WDR41: variants seen among roughly 807,000 people sequenced by gnomAD.
WDR41 encodes the protein WD repeat-containing protein 41.
Under a neutral mutation model 69.3 loss-of-function variants are expected in WDR41, and 63 were observed. The observed-to-expected ratio is 0.91, with a 90% confidence interval of 0.74 to 1.12. WDR41 has a LOEUF of 1.12. WDR41 is among the 50% of genes most tolerant of loss of function. WDR41 has a pLI of 0.00. For missense variants in WDR41, 543 were observed against 534.5 expected, an observed-to-expected ratio of 1.02 and a Z score of -0.16; for synonymous variants, 185 against 192.1, an observed-to-expected ratio of 0.96 and a Z score of 0.31.
chr5:77,541,646 C>T (rs1409918276), intron 1 of WDR41, among the ~76,000 whole-genome samples: 1 of 152,098 alleles, frequency 6.6e-6, no homozygotes, highest in Non-Finnish European at 1.5e-5. Flanking sequence ...GCATCCACCA[C>T]CACGCCAGGC....
At chr5:77,492,955 G>T (rs188783829), upstream of WDR41, among the ~76,000 whole-genome samples, 14 of 152,304 alleles carry the variant, frequency 9.2e-5, no homozygotes, top group East Asian at 9.6e-4. Context: ...GTTCTTGACC[G>T]TATGCTATAT....
At chr5:77,465,720 G>T (rs1800275285) in intron 2 of WDR41, among the ~76,000 whole-genome samples, 1 of 107,930 alleles carries the variant, frequency 9.3e-6, no homozygotes, top group African/African-American at 3.9e-5. Context: ...TCAAATTCAG[G>T]CTTTTTTTTT....
upstream of WDR41, among the ~76,000 whole-genome samples, chr5:77,494,321 A>G (rs1462076603): frequency 6.6e-6 from 1 of 152,080 alleles, no homozygotes; most frequent in Non-Finnish European, 1.5e-5. Flanking sequence ...TTTATCAGTA[A>G]TTACTTTAAA....
chr5:77,569,167 C>T (rs1418422887), intron 1 of WDR41, among the ~76,000 whole-genome samples: 3 of 152,130 alleles, frequency 2.0e-5, no homozygotes, highest in Non-Finnish European at 4.4e-5. Flanking sequence ...AATACTGCAA[C>T]ATTTTAATGC....
intron 1 of WDR41, among the ~76,000 whole-genome samples, chr5:77,500,345 G>A (rs1434162167): frequency 2.0e-5 from 3 of 152,078 alleles, no homozygotes; most frequent in Non-Finnish European, 4.4e-5. Flanking sequence ...GGAGAGGACA[G>A]AGGCAAGAGT....
At chr5:77,546,097 CAAGGCCA>C in intron 1 of WDR41, 1 of 527,906 alleles carries the variant, frequency 1.9e-6, no homozygotes, top group Non-Finnish European at 3.3e-6. Context: ...GCAACTTCGG[CAAGGCCA>C]CCTTTGATGC....
At chr5:77,558,542 G>A (rs1743457662) in intron 1 of WDR41, among the ~76,000 whole-genome samples, 1 of 152,100 alleles carries the variant, frequency 6.6e-6, no homozygotes, top group South Asian at 2.1e-4. Context: ...GGCAGGCTGA[G>A]GTCATTTCCA....
chr5:77,436,521 T>C (rs1798941354), intron 11 of WDR41, 127 bp from the exon 12 acceptor site: 1 of 1,094,056 alleles, frequency 9.1e-7, no homozygotes, highest in Non-Finnish European at 1.3e-6. Flanking sequence ...GGACAGTACC[T>C]GAGCACCGTG....
At chr5:77,461,038 T>C (rs1031555486) in intron 4 of WDR41, among the ~76,000 whole-genome samples, 4 of 152,202 alleles carry the variant, frequency 2.6e-5, no homozygotes, top group East Asian at 1.9e-4. Flanking sequence ...GTAAAATTCA[T>C]AGTGACACTG....
At chr5:77,473,166 C>A (rs1276880443) in intron 2 of WDR41, among the ~76,000 whole-genome samples, 3 of 152,178 alleles carry the variant, frequency 2.0e-5, no homozygotes, top group Non-Finnish European at 4.4e-5. Context: ...TGATCTTTGA[C>A]AAACCTGACA....
intron 1 of WDR41, among the ~76,000 whole-genome samples, chr5:77,515,050 A>G (rs1416324004): frequency 1.3e-5 from 2 of 152,162 alleles, no homozygotes; most frequent in African/African-American, 4.8e-5. Context: ...GTTACACTAA[A>G]TTTATTTTAA....
chr5:77,531,801 A>C (rs1802532803), intron 1 of WDR41, among the ~76,000 whole-genome samples: 1 of 152,032 alleles, frequency 6.6e-6, no homozygotes, highest in African/African-American at 2.4e-5. Flanking sequence ...TACATGCAAC[A>C]AGGTGGATGA....
chr5:77,460,785 A>G (rs1413025139), intron 4 of WDR41, among the ~76,000 whole-genome samples: 1 of 152,204 alleles, frequency 6.6e-6, no homozygotes, highest in Non-Finnish European at 1.5e-5. Flanking sequence ...AACCTGTCAC[A>G]TGATGTCAGG....
In WDR41 at chr5:77,503,335, A is replaced by G. The variant is rs374536618; in HGVS notation, c.43-13763T>C. On this transcript the variant is annotated intron_variant, in intron 1 of 5. Transcript: ENST00000509971. ...CAACAAGAAGAGCTAACTATCCTAAATATATATGCACCCAATACAGGAGGA... is the reference window on the plus strand; with the variant it reads ...CAACAAGAAGAGCTAACTATCCTAAGTATATATGCACCCAATACAGGAGGA... 6.6e-5 allele frequency among the ~76,000 whole-genome samples: 10 copies of G among 152,278 alleles called. No homozygotes were observed. In the East Asian group the frequency reaches 1.9e-3, roughly 29 times the overall value.
intron 10 of WDR41, 67 bp downstream of exon 10, chr5:77,438,173 A>G (rs1321202714): frequency 6.3e-7 from 1 of 1,599,292 alleles, no homozygotes; most frequent in African/African-American, 1.3e-5. Context: ...CACTTGAGAA[A>G]TTACACTGGT....
chr5:77,533,846 A>T (rs1485340579), intron 1 of WDR41, among the ~76,000 whole-genome samples: 1 of 152,128 alleles, frequency 6.6e-6, no homozygotes, highest in South Asian at 2.1e-4. Context: ...TGCAGGGGCT[A>T]CTTCTTTATG....
intron 1 of WDR41, among the ~76,000 whole-genome samples, chr5:77,551,674 A>C (rs6453319): frequency 0.6 from 90,039 of 149,844 alleles, 27,149 homozygotes; most frequent in East Asian, 0.78. Context: ...TGAGACTCTG[A>C]CTCAAAAAAT....
chr5:77,469,654 A>C (rs544491042), intron 2 of WDR41, among the ~76,000 whole-genome samples: 1 of 152,334 alleles, frequency 6.6e-6, no homozygotes, highest in Non-Finnish European at 1.5e-5. Context: ...ACAATAAAAT[A>C]ACATTGAAAA....
At chr5:77,546,303 G>T in intron 1 of WDR41, 10 of 248,704 alleles carry the variant, frequency 4.0e-5, no homozygotes, top group East Asian at 2.2e-4. Flanking sequence ...AATGAAGCTT[G>T]AAAAAAAAAA....
Sources: gnomAD v4.1 joint callset for allele counts (sites outside exome capture counted in the v4.1 genomes callset) on GRCh38, gnomAD v4.1.1 for gene constraint, MANE v1.5 for transcripts, NCBI Gene and HGNC (gene_info 2026-07-23, HGNC 2026-07-21) for gene names.